The following AJAP1 variants were observed in gnomAD, a reference collection of about 807,000 sequenced individuals.
AJAP1 encodes the protein adherens junction-associated protein 1.
AJAP1 carries 5 observed loss-of-function variants against 35.0 expected under a neutral mutation model. The observed-to-expected ratio is 0.14, with a 90% CI of 0.07 to 0.30. The LOEUF is 0.30. Among genes scored for constraint, AJAP1 ranks in the 10% least tolerant of loss-of-function variants. The pLI is 1.00. For synonymous variants in AJAP1, 284 were observed against 249.3 expected, an observed-to-expected ratio of 1.14 and a Z score of -1.31; for missense variants, 586 against 571.0, an observed-to-expected ratio of 1.03 and a Z score of -0.27.
chr1:4,775,198 C>A (rs931051311), intron 5 of AJAP1, among the ~76,000 whole-genome samples: 1 of 152,172 alleles, frequency 6.6e-6, no homozygotes, highest in Non-Finnish European at 1.5e-5. Flanking sequence ...TTAATGCTAA[C>A]GTTAAATTGC....
chr1:4,780,633 C>CT (rs35738488), intron 5 of AJAP1, among the ~76,000 whole-genome samples: 27,701 of 131,276 alleles, frequency 0.21, 3,300 homozygotes, highest in South Asian at 0.4. Context: ...TTCTTTCTTT[C>CT]TTTTTTTTTT....
Position 4,703,270 on chromosome 1 carries a change from G to A in AJAP1, c.30-8630G>A, listed in dbSNP as rs1468784242. 2.6e-5 allele frequency among the ~76,000 whole-genome samples: 4 copies of A among 152,314 alleles called. No individual in the cohort carries two copies. The East Asian group carries it at 7.7e-4, about 29-fold the overall frequency. On this transcript the variant is annotated intron_variant, in intron 1 of 5. Transcript: ENST00000378191. ...CCAGGGACTGCAGAAGAAAGTGGGT[G>A]TTCCCTTCCTGCGCCAGGGCTGGGG...
At chr1:4,673,993 A>G (rs1049263473) in intron 1 of AJAP1, among the ~76,000 whole-genome samples, 3 of 142,850 alleles carry the variant, frequency 2.1e-5, no homozygotes, top group African/African-American at 7.8e-5. Context: ...GTATTTTAGT[A>G]TAACTATGTT....
rs939199961 is a variant in AJAP1 at position 4,655,753 on chromosome 1, C to T, written c.29+299C>T. On this transcript the variant is annotated intron_variant, in intron 1 of 5. Coordinates refer to ENST00000378191, the MANE Select transcript of AJAP1 (RefSeq NM_018836.4). This position sits in a 1 kb window ranked among gnomAD's most constrained non-coding sequence, Gnocchi z 6.9. The stretch of plus-strand genomic sequence containing the variant: ...GCGCGCCCGCAGCTCTAGGAGCCAG[C>T]AGCGCAGTGTCCTGGCCGGCTGCCC... 5.3e-5 allele frequency among the ~76,000 whole-genome samples: 8 copies of T among 149,642 alleles called. No individual in the cohort carries two copies. The highest frequency in any genetic ancestry group is 7.4e-5 in the Non-Finnish European group (5 of 67,200).
At position 4,762,492 on chromosome 1, in the gene AJAP1, G is replaced by A. The variant is rs143985055; in HGVS notation, c.830-7361G>A. On this transcript the variant is annotated intron_variant, in intron 2 of 5. Coordinates refer to ENST00000378191, the MANE Select transcript of AJAP1 (RefSeq NM_018836.4). Reference sequence around the variant, plus strand: ...GCAGAGCCCAGCACAAACTCTGGGCGTCAAGGCCCAAGGGAGCTTCCCCGA... The same window carrying A: ...GCAGAGCCCAGCACAAACTCTGGGCATCAAGGCCCAAGGGAGCTTCCCCGA... 1.1e-3 allele frequency among the ~76,000 whole-genome samples: 169 copies of A among 152,346 alleles called. 1 individual carries two copies. Among genetic ancestry groups the A allele is most frequent in the Admixed American group, 2.1e-3 (32 of 15,306 alleles).
At chr1:4,662,776 G>T (rs140869519) in intron 1 of AJAP1, among the ~76,000 whole-genome samples, 7 of 152,214 alleles carry the variant, frequency 4.6e-5, no homozygotes, top group African/African-American at 1.2e-4. Context: ...CGAACATTTC[G>T]CATTCAATAA....
intron 2 of AJAP1, among the ~76,000 whole-genome samples, chr1:4,747,993 A>AG (rs1052086181): frequency 3.4e-5 from 5 of 147,998 alleles, no homozygotes; most frequent in Non-Finnish European, 7.5e-5. Context: ...CTCTGTCTCA[A>AG]AAAAAAAAAA....
intron 1 of AJAP1, among the ~76,000 whole-genome samples, chr1:4,688,971 G>A (rs560523783): frequency 6.6e-6 from 1 of 152,138 alleles, no homozygotes; most frequent in Non-Finnish European, 1.5e-5. Context: ...CTCACAGCGG[G>A]TGCCCCTCCA....
intron 2 of AJAP1, among the ~76,000 whole-genome samples, chr1:4,757,221 G>T (rs114003204): frequency 6.6e-6 from 1 of 152,064 alleles, no homozygotes; most frequent in African/African-American, 2.4e-5. Context: ...TCCCCTTTCC[G>T]CCTCCCCTGT....
intron 1 of AJAP1, among the ~76,000 whole-genome samples, chr1:4,691,317 G>C (rs1639733346): frequency 6.6e-6 from 1 of 152,196 alleles, no homozygotes; most frequent in Non-Finnish European, 1.5e-5. Flanking sequence ...CTGGAGCTGG[G>C]CAGCCAGGGT....
At chr1:4,708,088 C>T (rs1423071017) in intron 1 of AJAP1, among the ~76,000 whole-genome samples, 2 of 151,652 alleles carry the variant, frequency 1.3e-5, no homozygotes, top group Non-Finnish European at 2.9e-5. Flanking sequence ...CTGCCTCAGC[C>T]TCCCGAGTAG....
chr1:4,691,983 G>A (rs1258027917), intron 1 of AJAP1, among the ~76,000 whole-genome samples: 1 of 152,154 alleles, frequency 6.6e-6, no homozygotes, highest in Non-Finnish European at 1.5e-5. Flanking sequence ...CAGACGTGGG[G>A]TGGGGACGGG....
intron 2 of AJAP1, among the ~76,000 whole-genome samples, chr1:4,741,930 T>A (rs1179117033): frequency 1.3e-5 from 2 of 152,232 alleles, no homozygotes; most frequent in African/African-American, 4.8e-5. Flanking sequence ...CAATTTCTGG[T>A]CTAACTCACA....
intron 1 of AJAP1, among the ~76,000 whole-genome samples, chr1:4,690,899 C>T (rs369511381): frequency 9.8e-5 from 15 of 152,310 alleles, no homozygotes; most frequent in East Asian, 5.8e-4. Flanking sequence ...GGGTCAAGTG[C>T]GCACTGGGTC....
At chr1:4,756,780 A>T (rs531250479) in intron 2 of AJAP1, among the ~76,000 whole-genome samples, 1 of 152,348 alleles carries the variant, frequency 6.6e-6, no homozygotes, top group African/African-American at 2.4e-5. Flanking sequence ...GTGACTCTCC[A>T]GGAGGGAACT....
In AJAP1 at chr1:4,715,825, G is replaced by A. The variant is rs370605673; in HGVS notation, c.829+3126G>A. On this transcript the variant is annotated intron_variant, in intron 2 of 5. Coordinates refer to ENST00000378191, the MANE Select transcript of AJAP1 (RefSeq NM_018836.4). Reference sequence around the variant, plus strand: ...TTATACCCAGCAAGAATGGCCTGAGGAAGAGAGGGTTGCCAGTGTCAGAGG... The same window carrying A: ...TTATACCCAGCAAGAATGGCCTGAGAAAGAGAGGGTTGCCAGTGTCAGAGG... 3.3e-5 allele frequency among the ~76,000 whole-genome samples: 5 copies of A among 152,366 alleles called. No individual in the cohort carries two copies. In the East Asian group the frequency reaches 5.8e-4, roughly 18 times the overall value.
intron 1 of AJAP1, among the ~76,000 whole-genome samples, chr1:4,665,616 G>A (rs1006465403): frequency 2.6e-5 from 4 of 152,314 alleles, no homozygotes; most frequent in East Asian, 1.9e-4. Flanking sequence ...CACCAGCCAC[G>A]CAAGTGGTCC....
intron 2 of AJAP1, among the ~76,000 whole-genome samples, chr1:4,752,956 G>A (rs145752670): frequency 6.6e-6 from 1 of 152,112 alleles, no homozygotes; most frequent in Non-Finnish European, 1.5e-5. Flanking sequence ...ACCCTTCCTG[G>A]GGTGCTCCTT....
intron 1 of AJAP1, among the ~76,000 whole-genome samples, chr1:4,668,233 G>C (rs990212178): frequency 1.3e-5 from 2 of 151,286 alleles, no homozygotes; most frequent in African/African-American, 2.4e-5. Flanking sequence ...AATGCCATTA[G>C]GGTGGCAACT....
Sources: allele counts gnomAD v4.1 joint callset (sites outside exome capture counted in the v4.1 genomes callset), GRCh38; gene constraint gnomAD v4.1.1; non-coding constraint Gnocchi (gnomAD v3.1); transcripts MANE v1.5; gene names NCBI Gene and HGNC (gene_info 2026-07-23, HGNC 2026-07-21).